The following OGDHL variants were observed in gnomAD, a reference collection of about 807,000 sequenced individuals.
OGDHL encodes oxoglutarate dehydrogenase L.
In OGDHL, 79 loss-of-function variants were observed where a neutral mutation model predicts 109.6. The ratio of observed to expected loss-of-function variants is 0.72; its 90% CI spans 0.60 to 0.87. OGDHL has a LOEUF of 0.87. OGDHL is among the 40% of genes least tolerant of loss of function. The pLI is 0.00. For synonymous variants in OGDHL, 528 were observed against 537.2 expected (o/e 0.98, Z 0.24); for missense variants, 1,275 against 1,362.2 (o/e 0.94, Z 1.01).
intron 14 of OGDHL, chr10:49,743,793 G>A (rs1841971711): frequency 3.6e-6 from 2 of 552,230 alleles, no homozygotes; most frequent in Non-Finnish European, 6.2e-6. Context: ...GTGGCATCTG[G>A]AGCTGCCCAG....
At chr10:49,761,710 G>A (rs1843295436) in intron 1 of OGDHL, among the ~76,000 whole-genome samples, 1 of 152,278 alleles carries the variant, frequency 6.6e-6, no homozygotes, top group African/African-American at 2.4e-5. Context: ...CTCCCGGGGG[G>A]CGGAAGAAGC....
rs375092673 is a variant in OGDHL at position 49,752,939 on chromosome 10, G to A, written c.376-199C>T. On this transcript the variant is annotated intron_variant, in intron 3 of 22. Coordinates refer to ENST00000374103, the MANE Select transcript of OGDHL (RefSeq NM_018245.3). ...AGGTGGCAGGAGCTCAACCTGGTTT[G>A]GAAGTACAACATGCACGGGCAAAAA... 3.5e-4 allele frequency among the ~76,000 whole-genome samples: 53 copies of A among 152,370 alleles called. 1 individual carries two copies. The highest frequency in any genetic ancestry group is 3.4e-3 in the Middle Eastern group (1 of 294).
In OGDHL at chr10:49,736,482, C is replaced by A. The variant is rs140281439; in HGVS notation, c.2629G>T (p.Ala877Ser). The change falls in exon 21 of 23, where the codon GCA (alanine) becomes TCA (serine). Residue 877 changes from alanine to serine, a missense_variant. Physicochemically the swap from Ala to Ser is moderately conservative, Grantham distance 99. Transcript: ENST00000374103. ...FQRVIPEDGA[A>S]ARAPEQVQRL... Reference sequence around the variant, plus strand: ...TGCACCTGCTCAGGGGCCCGTGCTGCGGCCCCATCTTCAGGAATCACCCGC... The same window carrying A: ...TGCACCTGCTCAGGGGCCCGTGCTGAGGCCCCATCTTCAGGAATCACCCGC... 2.0e-3 allele frequency: 3,156 copies of A among 1,613,754 alleles called. 7 individuals are homozygous for A. The highest frequency in any genetic ancestry group is 2.5e-3 in the Non-Finnish European group (2,964 of 1,180,004).
At chr10:49,737,512 A>G (rs555224691) in intron 20 of OGDHL, among the ~76,000 whole-genome samples, 5 of 152,328 alleles carry the variant, frequency 3.3e-5, no homozygotes, top group African/African-American at 1.2e-4. Flanking sequence ...TTGCGAACTC[A>G]GCAGGCCTCT....
At chr10:49,740,324 C>G (rs1409256653) in intron 16 of OGDHL, among the ~76,000 whole-genome samples, 1 of 151,990 alleles carries the variant, frequency 6.6e-6, no homozygotes, top group Non-Finnish European at 1.5e-5. Flanking sequence ...GTGCAGTGTT[C>G]CTAGGGTGCA....
intron 6 of OGDHL, 76 bp downstream of exon 6, chr10:49,751,751 T>C (rs1215069186): frequency 4.5e-6 from 7 of 1,541,770 alleles, no homozygotes; most frequent in Non-Finnish European, 6.1e-6. Context: ...TCCTGCTCTC[T>C]TAGGCAGGGT....
Position 49,736,443 on chromosome 10 carries a change from A to C in OGDHL, c.2668T>G (p.Cys890Gly), listed in dbSNP as rs1841189661. 6.2e-7 allele frequency: 1 copy of C among 1,613,958 alleles called. No homozygotes were observed. Among genetic ancestry groups the C allele is most frequent in the African/African-American group, 1.3e-5 (1 of 74,920 alleles). The change falls in exon 21 of 23, where the codon TGC (cysteine) becomes GGC (glycine). Residue 890 changes from cysteine to glycine, a missense_variant. Physicochemically the swap from Cys to Gly is radical, Grantham distance 159 (BLOSUM62 -3). Coordinates refer to ENST00000374103, the MANE Select transcript of OGDHL (RefSeq NM_018245.3). ...AGGTCATAGTACACCTTTCCCGTGC[A>C]GAAGATGAGCCGCTGCACCTGCTCA... Reference protein sequence around the residue: ...APEQVQRLIFCTGKVYYDLVK... With the variant: ...APEQVQRLIFGTGKVYYDLVK...
intron 8 of OGDHL, 37 bp downstream of exon 8, chr10:49,749,689 C>T: frequency 2.6e-6 from 4 of 1,533,928 alleles, no homozygotes; most frequent in Non-Finnish European, 3.5e-6. Flanking sequence ...AAACACCCAG[C>T]TCTCCAAGGG....
At chr10:49,752,576 G>T in intron 4 of OGDHL, 62 bp downstream of exon 4, 2 of 1,390,190 alleles carry the variant, frequency 1.4e-6, no homozygotes, top group Non-Finnish European at 2.1e-6. Context: ...CCTAGTGCCC[G>T]TGGGCCCCTT....
At chr10:49,751,051 A>C (rs146292686) in intron 6 of OGDHL, 66 bp from the exon 7 acceptor site, 6 of 1,448,380 alleles carry the variant, frequency 4.1e-6, no homozygotes, top group African/African-American at 1.4e-5. Context: ...TGGGGCTCAC[A>C]GGGGCTGTTC....
rs760243498 is a variant in OGDHL, at chr10:49,751,938, T to C, written c.638A>G (p.Asn213Ser). 1 of 1,614,172 alleles carries C rather than the reference T, an allele frequency of 6.2e-7. No individual in the cohort carries two copies. Among genetic ancestry groups the C allele is most frequent in the South Asian group, 1.1e-5 (1 of 91,086 alleles). Residue 213 changes from asparagine to serine, a missense_variant, in exon 6 of 23, where the codon AAC becomes AGC. Transcript: ENST00000374103. ...GATCCACTGGCACTGCTCCACATCGTTGATGAACATGAACTCCAGGCCAAT... is the reference window on the plus strand; with the variant it reads ...GATCCACTGGCACTGCTCCACATCGCTGATGAACATGAACTCCAGGCCAAT... Reference protein sequence around the residue: ...QHIGLEFMFINDVEQCQWIRQ... With the variant: ...QHIGLEFMFISDVEQCQWIRQ...
In OGDHL at chr10:49,735,306, C is replaced by T. The variant is rs1841066473; in HGVS notation, c.2955G>A (p.Arg985=). 16 of 1,614,084 alleles carry T rather than the reference C, an allele frequency of 9.9e-6. No homozygotes were observed. The highest frequency in any genetic ancestry group is 1.3e-5 in the Non-Finnish European group (15 of 1,180,006). The change falls in exon 23 of 23, where the codon AGG becomes AGA. Residue 985 remains arginine (R), a synonymous_variant. Transcript: ENST00000374103. ...TCTTCAGTGACACCAGGTGAGTGTT[C>T]CTGTTTCCTGTGGCTGGTGCAGCCG... ...DPAAAPATGN[R]NTHLVSLKKF...
intron 10 of OGDHL, among the ~76,000 whole-genome samples, 171 bp from the exon 11 acceptor site, chr10:49,746,148 A>G (rs1022869257): frequency 2.0e-5 from 3 of 152,152 alleles, no homozygotes; most frequent in Admixed American, 2.0e-4. Flanking sequence ...ACACGGCAAC[A>G]GCTCCCACGG....
chr10:49,740,144 AAGG>A (rs754640823), intron 16 of OGDHL, among the ~76,000 whole-genome samples: 4 of 152,150 alleles, frequency 2.6e-5, no homozygotes, highest in Non-Finnish European at 5.9e-5. Flanking sequence ...CAGAGCTGCT[AAGG>A]AGAAGGGGCA....
Position 49,740,839 on chromosome 10 carries a change from T to C in OGDHL, c.2013-2A>G, listed in dbSNP as rs770444246. Reference sequence around the variant, plus strand: ...TCATGGAGAACATGGTGCCGGTGACTGCAGAGACACAGACCGGGGCAGGGA... The same window carrying C: ...TCATGGAGAACATGGTGCCGGTGACCGCAGAGACACAGACCGGGGCAGGGA... On this transcript the variant is annotated splice_acceptor_variant, in intron 15 of 22. Coordinates refer to ENST00000374103, the MANE Select transcript of OGDHL (RefSeq NM_018245.3). LOFTEE classifies it high-confidence loss of function. The C allele has an allele frequency of 6.2e-7, 1 of 1,613,762 alleles. No homozygotes were observed. The highest frequency in any genetic ancestry group is 1.7e-5 in the Admixed American group (1 of 60,002).
At position 49,748,595 on chromosome 10, in the gene OGDHL, A is replaced by G. The variant is rs556088951; in HGVS notation, c.987+1131T>C. ...AAGTTTTCCACTATACACACAGGTC[A>G]TCTTTGACTCATTGCAACCATTCTC... On this transcript the variant is annotated intron_variant, in intron 8 of 22. Coordinates refer to ENST00000374103, the MANE Select transcript of OGDHL (RefSeq NM_018245.3). 1.5e-4 allele frequency among the ~76,000 whole-genome samples: 23 copies of G among 152,318 alleles called. No homozygotes were observed. The South Asian group carries it at 4.4e-3, about 29-fold the overall frequency.
chr10:49,758,137 C>T (rs1466497543), intron 2 of OGDHL, among the ~76,000 whole-genome samples: 2 of 152,244 alleles, frequency 1.3e-5, no homozygotes, highest in African/African-American at 4.8e-5. Flanking sequence ...CATAGCACGA[C>T]AAAGGGGGCA....
rs141335151 is a variant in OGDHL at position 49,742,951 on chromosome 10, G to C, written c.1889C>G (p.Ala630Gly). The change falls in exon 15 of 23, where the codon GCG (alanine) becomes GGG (glycine). Residue 630 changes from alanine to glycine, a missense_variant. Physicochemically the swap from Ala to Gly is moderately conservative, Grantham distance 60 (BLOSUM62 0). Transcript: ENST00000374103. ...CACCGTCCGGTTCTTGGTCATGTCC[G>C]CACGGCCCCGCAGAATGCGAGAGAG... is the stretch of plus-strand genomic sequence containing the variant. ...TGLSRILRGR[A>G]DMTKNRTVDW... The C allele has an allele frequency of 6.2e-7, 1 of 1,613,592 alleles. No individual in the cohort carries two copies. Among genetic ancestry groups the C allele is most frequent in the Non-Finnish European group, 8.5e-7 (1 of 1,179,986 alleles).
At chr10:49,760,303 C>T (rs138469825) in intron 1 of OGDHL, among the ~76,000 whole-genome samples, 2 of 152,354 alleles carry the variant, frequency 1.3e-5, no homozygotes, top group East Asian at 3.9e-4. Context: ...GCCAGTGATG[C>T]CAAGCCCTAG....
Sources: allele counts gnomAD v4.1 joint callset (sites outside exome capture counted in the v4.1 genomes callset), GRCh38; gene constraint gnomAD v4.1.1; transcripts MANE v1.5; gene names NCBI Gene and HGNC (gene_info 2026-07-23, HGNC 2026-07-21).